The following SBNO1 variants were observed in gnomAD, a reference collection of about 807,000 sequenced individuals.
SBNO1 encodes protein strawberry notch homolog 1.
In SBNO1, 23 loss-of-function variants were observed where a neutral mutation model predicts 173.6. The observed-to-expected ratio is 0.13, with a 90% CI of 0.10 to 0.19. The LOEUF is 0.19. SBNO1 is among the 10% of genes least tolerant of loss of function. The probability of loss-of-function intolerance (pLI) is 1.00; values close to 1 mark genes in which losing one functional copy is unlikely to be tolerated. For missense variants in SBNO1, 1,238 were observed against 1,671.2 expected, an observed-to-expected ratio of 0.74 and a Z score of 4.52; for synonymous variants, 632 against 571.5, an observed-to-expected ratio of 1.11 and a Z score of -1.51.
intron 10 of SBNO1, 136 bp from the exon 11 acceptor site, chr12:123,328,163 A>G (rs1051597206): frequency 1.6e-6 from 1 of 610,828 alleles, no homozygotes; most frequent in African/African-American, 1.8e-5. Context: ...AGGAAGTCCT[A>G]TGGGCCTTTC....
At chr12:123,356,748 T>C (rs1328977109) in intron 1 of SBNO1, among the ~76,000 whole-genome samples, 1 of 152,212 alleles carries the variant, frequency 6.6e-6, no homozygotes, top group Non-Finnish European at 1.5e-5. Context: ...CCTGCACATA[T>C]CAATTATATA....
At chr12:123,334,014 GATAAA>G in intron 7 of SBNO1, 34 bp downstream of exon 7, 1 of 1,374,756 alleles carries the variant, frequency 7.3e-7, no homozygotes, top group Admixed American at 2.3e-5. Flanking sequence ...TATAGAATAG[GATAAA>G]ATAATTATTG....
chr12:123,364,637 G>A (rs1875926933), intron 1 of SBNO1, 64 bp downstream of exon 1: 1 of 983,340 alleles, frequency 1.0e-6, no homozygotes, highest in South Asian at 4.7e-5. Flanking sequence ...CCCCGAGGGT[G>A]GGAGTGGGAG....
intron 4 of SBNO1, among the ~76,000 whole-genome samples, chr12:123,342,950 A>C (rs1341377126): frequency 6.6e-6 from 1 of 152,212 alleles, no homozygotes; most frequent in Admixed American, 6.5e-5. Context: ...GAGTACAACT[A>C]ATTAAAGTAT....
Position 123,315,443 on chromosome 12 carries a change from C to T in SBNO1, c.3050G>A (p.Gly1017Glu), listed in dbSNP as rs1566030220. 6.2e-7 allele frequency: 1 copy of T among 1,612,816 alleles called. No homozygotes were observed. Among genetic ancestry groups the T allele is most frequent in the Non-Finnish European group, 8.5e-7 (1 of 1,178,970 alleles). ...SIVAKRLESLGALTHGDRRAT... is the reference protein window; with the variant it reads ...SIVAKRLESLEALTHGDRRAT... ...CCTTCTATCACCATGTGTAAGTGCCCCCTGTTAAAAACAAAAATTTCAATC... is the reference window on the plus strand; with the variant it reads ...CCTTCTATCACCATGTGTAAGTGCCTCCTGTTAAAAACAAAAATTTCAATC... Residue 1017 changes from glycine (G) to glutamate (E), a missense_variant and splice_region_variant, in exon 23 of 32, where the codon GGG (glycine) becomes GAG (glutamate). Gly to Glu is a moderately conservative substitution (Grantham distance 98). Around this residue, in one of 14 missense-constraint regions of SBNO1, gnomAD observed 39 missense variants for 129.7 expected, o/e 0.30. Transcript: ENST00000602398.
chr12:123,331,437 A>G, intron 7 of SBNO1, 62 bp from the exon 8 acceptor site: 1 of 1,498,342 alleles, frequency 6.7e-7, no homozygotes, highest in Non-Finnish European at 9.1e-7. Flanking sequence ...TCAATCTTTC[A>G]TACACTGTTT....
chr12:123,300,231 G>A (rs1326511252), intron 30 of SBNO1, among the ~76,000 whole-genome samples: 1 of 152,116 alleles, frequency 6.6e-6, no homozygotes, highest in Non-Finnish European at 1.5e-5. Context: ...TGTTTTTTAA[G>A]TTAATTTTTT....
chr12:123,364,549 C>T (rs7485502), intron 1 of SBNO1, 152 bp downstream of exon 1: 2 of 983,716 alleles, frequency 2.0e-6, no homozygotes, highest in African/African-American at 1.8e-5. Flanking sequence ...AGCGCGCGGC[C>T]GCGAGGAGCG....
At chr12:123,306,640 C>T (rs2048921652) in intron 28 of SBNO1, among the ~76,000 whole-genome samples, 1 of 152,068 alleles carries the variant, frequency 6.6e-6, no homozygotes, top group African/African-American at 2.4e-5. Flanking sequence ...ATGGATCAAG[C>T]CCAGGAGGAG....
At position 123,319,951 on chromosome 12, in the gene SBNO1, A is replaced by G. The variant is rs370483812; in HGVS notation, c.2748T>C (p.Pro916=). 1 of 1,613,714 alleles carries G rather than the reference A, an allele frequency of 6.2e-7. No individual in the cohort carries two copies. The highest frequency in any genetic ancestry group is 8.5e-7 in the Non-Finnish European group (1 of 1,179,630). ...SYESRSELDV[P]VEILNITEKQ... ...TTTCTGTGATGTTTAGTATTTCCAC[A>G]GGCACATCAAGTTCAGATCTTGACT... The change falls in exon 20 of 32, where the codon CCT becomes CCC. Residue 916 remains proline (P), a synonymous_variant. Transcript: ENST00000602398.
At chr12:123,338,738 T>G (rs998119893) in intron 5 of SBNO1, among the ~76,000 whole-genome samples, 34 of 151,776 alleles carry the variant, frequency 2.2e-4, no homozygotes, top group East Asian at 1.7e-3. Flanking sequence ...GTGGTGGTGG[T>G]GGGGGGCGCC....
chr12:123,323,411 G>A (rs1437537939), intron 16 of SBNO1, among the ~76,000 whole-genome samples: 2 of 152,088 alleles, frequency 1.3e-5, no homozygotes, highest in African/African-American at 4.8e-5. Context: ...CTGGAGTGCA[G>A]CAGCGCTATC....
chr12:123,319,568 C>G (rs1869713273), intron 20 of SBNO1, among the ~76,000 whole-genome samples: 1 of 151,730 alleles, frequency 6.6e-6, no homozygotes, highest in Non-Finnish European at 1.5e-5. Context: ...CTACCACACC[C>G]AGCTAAATTT....
At chr12:123,314,873 G>T (rs1593348029) in intron 23 of SBNO1, among the ~76,000 whole-genome samples, 1 of 150,966 alleles carries the variant, frequency 6.6e-6, no homozygotes, top group African/African-American at 2.4e-5. Context: ...TGGGATTATA[G>T]GTGTGAGCAA....
At chr12:123,349,936 T>C (rs1457754267) in intron 2 of SBNO1, among the ~76,000 whole-genome samples, 1 of 150,848 alleles carries the variant, frequency 6.6e-6, no homozygotes, top group Non-Finnish European at 1.5e-5. Flanking sequence ...AATTAACACA[T>C]GTATTTAAAA....
At position 123,326,154 on chromosome 12, in the gene SBNO1, T is replaced by G; in HGVS notation, c.1873A>C (p.Lys625Gln). The change falls in exon 14 of 32, where the codon AAA becomes CAA. Residue 625 changes from lysine (K) to glutamine (Q), a missense_variant and splice_region_variant. Lys to Gln is a moderately conservative substitution (Grantham distance 53). Transcript: ENST00000602398. The stretch of plus-strand genomic sequence containing the variant: ...TCTTAATGAGTTCTTCTACTTACTT[T>G]TCCATTCTTGATTTCCTCTCGAGCT... Reference protein sequence around the residue: ...QLAREEIKNGKCVVIGLQSTG... With the variant: ...QLAREEIKNGQCVVIGLQSTG... 1 of 1,604,174 alleles carries G rather than the reference T, an allele frequency of 6.2e-7. No individual in the cohort carries two copies. The highest frequency in any genetic ancestry group is 8.5e-7 in the Non-Finnish European group (1 of 1,173,982).
chr12:123,345,303 G>A lies in SBNO1; in HGVS notation c.505C>T (p.Leu169=), dbSNP rs200414530. 1.0e-4 allele frequency: 167 copies of A among 1,614,190 alleles called. 1 individual carries two copies. The Middle Eastern group carries it at 6.6e-3, about 64-fold the overall frequency. ...TGAGCAATATTAGCAGGTGGCTTTA[G>A]TTTCATCAGTTCATTAAGACTATTA... is the stretch of plus-strand genomic sequence containing the variant. ...KNNSLNELMK[L]KPPANIAQPV... The change falls in exon 4 of 32, where the codon CTA becomes TTA. Residue 169 remains leucine (L), a synonymous_variant. Coordinates refer to ENST00000602398, the MANE Select transcript of SBNO1 (RefSeq NM_001167856.3).
intron 20 of SBNO1, 120 bp downstream of exon 20, chr12:123,319,780 T>C: frequency 1.2e-6 from 1 of 835,992 alleles, no homozygotes; most frequent in Non-Finnish European, 1.9e-6. Context: ...TACTAAAAAA[T>C]ACAGAATGAC....
chr12:123,307,051 T>C (rs1593332850), intron 28 of SBNO1, among the ~76,000 whole-genome samples: 3 of 111,958 alleles, frequency 2.7e-5, no homozygotes, highest in Admixed American at 2.2e-4. Context: ...AAGCCAAATG[T>C]GGTGGAGTGT....
Sources: allele counts gnomAD v4.1 joint callset (sites outside exome capture counted in the v4.1 genomes callset), GRCh38; gene constraint gnomAD v4.1.1; regional missense constraint gnomAD v4.1.1; transcripts MANE v1.5; gene names NCBI Gene and HGNC (gene_info 2026-07-23, HGNC 2026-07-21).